The following NCAPD3 variants were observed in gnomAD, a reference collection of about 807,000 sequenced individuals.
The protein encoded by NCAPD3 is non-SMC condensin II complex subunit D3.
A neutral mutation model predicts 182.9 loss-of-function variants in NCAPD3; 105 were observed. The ratio of observed to expected loss-of-function variants is 0.57; its 90% CI spans 0.49 to 0.68. NCAPD3 has a LOEUF of 0.68. NCAPD3 is among the 30% of genes least tolerant of loss of function. NCAPD3 has a pLI of 0.00. For synonymous variants in NCAPD3, 815 were observed against 679.9 expected (o/e 1.20, Z -3.09); for missense variants, 1,944 against 1,837.0 (o/e 1.06, Z -1.07).
At chr11:134,201,232 C>T (rs1401615103) in intron 13 of NCAPD3, among the ~76,000 whole-genome samples, 1 of 152,014 alleles carries the variant, frequency 6.6e-6, no homozygotes, top group Non-Finnish European at 1.5e-5. Flanking sequence ...CCATGTTGGC[C>T]AGGATGGTCT....
chr11:134,158,854 C>T (rs1487144576), intron 29 of NCAPD3, among the ~76,000 whole-genome samples: 1 of 152,176 alleles, frequency 6.6e-6, no homozygotes, highest in Non-Finnish European at 1.5e-5. Context: ...CTGGTAATCA[C>T]CAAAAATCCA....
intron 32 of NCAPD3, among the ~76,000 whole-genome samples, chr11:134,154,487 C>G (rs1260496415): frequency 2.0e-5 from 3 of 150,232 alleles, no homozygotes; most frequent in Admixed American, 6.6e-5. Flanking sequence ...ACCCCCCCCC[C>G]CACCGCCCCA....
intron 8 of NCAPD3, 92 bp from the exon 9 acceptor site, chr11:134,205,063 TA>T: frequency 1.1e-6 from 1 of 904,698 alleles, no homozygotes; most frequent in Non-Finnish European, 1.8e-6. Flanking sequence ...TCCTAGTTAT[TA>T]AAACACTCTA....
intron 27 of NCAPD3, among the ~76,000 whole-genome samples, chr11:134,165,265 G>T (rs1053287642): frequency 6.6e-6 from 1 of 150,510 alleles, no homozygotes. Context: ...AAGCTGAGGG[G>T]GAGCTGCACA....
At chr11:134,182,251 C>A (rs1944313794) in intron 19 of NCAPD3, among the ~76,000 whole-genome samples, 1 of 152,166 alleles carries the variant, frequency 6.6e-6, no homozygotes, top group Admixed American at 6.5e-5. Flanking sequence ...AAGTCCTTGT[C>A]CAGCTTCTCC....
intron 28 of NCAPD3, among the ~76,000 whole-genome samples, chr11:134,161,238 C>T (rs899381204): frequency 6.6e-6 from 1 of 152,108 alleles, no homozygotes; most frequent in Non-Finnish European, 1.5e-5. Context: ...CAAGAAAGGT[C>T]TGAGGCCCCA....
intron 32 of NCAPD3, among the ~76,000 whole-genome samples, chr11:134,155,765 C>A (rs1943401301): frequency 6.6e-6 from 1 of 151,472 alleles, no homozygotes; most frequent in Admixed American, 6.6e-5. Context: ...ACAGCAAGCT[C>A]TAACACACAG....
intron 13 of NCAPD3, among the ~76,000 whole-genome samples, chr11:134,201,471 T>C (rs1025316614): frequency 2.6e-5 from 4 of 152,208 alleles, no homozygotes; most frequent in African/African-American, 7.2e-5. Flanking sequence ...CTTGTGACTA[T>C]ACTAAAACAA....
At chr11:134,176,681 G>C (rs1037990706) in intron 23 of NCAPD3, among the ~76,000 whole-genome samples, 1 of 152,170 alleles carries the variant, frequency 6.6e-6, no homozygotes, top group African/African-American at 2.4e-5. Flanking sequence ...AACATACCAG[G>C]ACAGACATAC....
intron 23 of NCAPD3, 112 bp from the exon 24 acceptor site, chr11:134,176,498 G>T: frequency 1.2e-6 from 1 of 816,172 alleles, no homozygotes. Flanking sequence ...CTGGCTGAGT[G>T]CACAGGCACA....
intron 24 of NCAPD3, among the ~76,000 whole-genome samples, chr11:134,174,625 A>G (rs1335108359): frequency 6.6e-6 from 1 of 152,144 alleles, no homozygotes; most frequent in Non-Finnish European, 1.5e-5. Flanking sequence ...GCTGATTAGC[A>G]CATATAAAAT....
chr11:134,179,029 T>A (rs1252932002), intron 20 of NCAPD3, 93 bp from the exon 21 acceptor site: 1 of 799,214 alleles, frequency 1.3e-6, no homozygotes, highest in African/African-American at 1.7e-5. Flanking sequence ...ATTTCCTTTA[T>A]CCCCCAAATT....
intron 22 of NCAPD3, chr11:134,178,086 A>G (rs1459385954): frequency 6.6e-6 from 1 of 152,354 alleles, no homozygotes; most frequent in Non-Finnish European, 1.5e-5. Flanking sequence ...AAAACAAAAT[A>G]CAATTTCCAG....
chr11:134,203,933 C>G, intron 10 of NCAPD3, 27 bp from the exon 11 acceptor site: 1 of 1,608,914 alleles, frequency 6.2e-7, no homozygotes, highest in Non-Finnish European at 8.5e-7. Context: ...ATAAGAATTG[C>G]CATCAGATAG....
chr11:134,188,050 T>C (rs1944447268), intron 16 of NCAPD3, among the ~76,000 whole-genome samples: 1 of 152,222 alleles, frequency 6.6e-6, no homozygotes, highest in South Asian at 2.1e-4. Context: ...TGAAGCCAGT[T>C]GGACTTCCTG....
rs775554457 is a variant in NCAPD3, at chr11:134,194,656, A to G, written c.1689+9T>C. On this transcript the variant is annotated intron_variant, in intron 14 of 34. Coordinates refer to ENST00000534548, the MANE Select transcript of NCAPD3 (RefSeq NM_015261.3). ...CTTAAAAAAAAAAATGTGCAGAGAA[A>G]ACTCCCACCTGCAGTGCAGACTTCC... 20 of 1,569,932 alleles carry G rather than the reference A, an allele frequency of 1.3e-5. No individual in the cohort carries two copies. Among genetic ancestry groups the G allele is most frequent in the African/African-American group, 4.2e-5 (3 of 71,908 alleles).
rs187335973 is a variant in NCAPD3, at chr11:134,221,565, A to G, written c.65-839T>C. ...TTCCCATTCTTTTCTAATACACTAT[A>G]TTTCTTCAGTGTTGTCATTGTCACT... On this transcript the variant is annotated intron_variant, in intron 1 of 34. Transcript: ENST00000534548. Among the ~76,000 whole-genome samples the G allele has an allele frequency of 1.1e-4, 17 of 152,054 alleles. No homozygotes were observed. The East Asian group carries it at 2.9e-3, about 26-fold the overall frequency.
intron 3 of NCAPD3, among the ~76,000 whole-genome samples, chr11:134,216,590 A>T (rs1296761477): frequency 6.6e-6 from 1 of 152,216 alleles, no homozygotes; most frequent in Non-Finnish European, 1.5e-5. Flanking sequence ...GACTCCCCAC[A>T]GCAGTATTTC....
At chr11:134,216,841 A>G (rs1269437731) in intron 3 of NCAPD3, 95 bp downstream of exon 3, 4 of 1,315,398 alleles carry the variant, frequency 3.0e-6, no homozygotes, top group Admixed American at 2.3e-5. Context: ...TGCCCCATTT[A>G]TAAGTGAAGA....
Sources: allele counts gnomAD v4.1 joint callset (sites outside exome capture counted in the v4.1 genomes callset), GRCh38; gene constraint gnomAD v4.1.1; transcripts MANE v1.5; gene names NCBI Gene and HGNC (gene_info 2026-07-23, HGNC 2026-07-21).